Variants in PHKA2 observed in about 807,000 individuals in gnomAD.
PHKA2 encodes phosphorylase b kinase regulatory subunit alpha, liver isoform.
A neutral mutation model predicts 102.0 loss-of-function variants in PHKA2; 31 were observed. The observed-to-expected ratio is 0.30, with a 90% confidence interval of 0.23 to 0.41. The LOEUF (loss-of-function observed/expected upper bound fraction) is 0.41, where lower values mean the gene tolerates loss of function less well. PHKA2 is among the 10% of genes least tolerant of loss of function. The probability of loss-of-function intolerance (pLI) is 1.00; values close to 1 mark genes in which losing one functional copy is unlikely to be tolerated. For missense variants in PHKA2, 858 were observed against 1,023.1 expected (o/e 0.84, Z 2.20); for synonymous variants, 455 against 416.2 (o/e 1.09, Z -1.13).
intron 1 of PHKA2, among the ~76,000 whole-genome samples, chrX:18,975,003 C>T (rs1271374510): frequency 1.8e-5 from 2 of 110,612 alleles, no homozygotes; most frequent in African/African-American, 6.6e-5. Flanking sequence ...TTCCTGTGAT[C>T]TCGTCTCGTC....
chrX:18,905,638 C>T, intron 26 of PHKA2, 120 bp downstream of exon 26: 1 of 570,461 alleles, frequency 1.8e-6, no homozygotes, highest in South Asian at 2.3e-5. Context: ...CTCTGTCCAT[C>T]TCCTTCAGGT....
intron 32 of PHKA2, among the ~76,000 whole-genome samples, chrX:18,893,867 TTATCACGCACCC>T (rs2047478132): frequency 8.9e-6 from 1 of 112,400 alleles, no homozygotes; most frequent in Non-Finnish European, 1.9e-5. Flanking sequence ...CTGCACTCTG[TTATCACGCACCC>T]TAGTTTGTAG....
chrX:18,944,718 G>C (rs1429834538), intron 6 of PHKA2, among the ~76,000 whole-genome samples: 2 of 111,857 alleles, frequency 1.8e-5, no homozygotes, highest in African/African-American at 6.5e-5. Flanking sequence ...TTGAACTTGT[G>C]AGTCCAACCT....
intron 19 of PHKA2, among the ~76,000 whole-genome samples, chrX:18,914,958 A>G (rs1201477670): frequency 8.9e-6 from 1 of 111,771 alleles, no homozygotes; most frequent in Non-Finnish European, 1.9e-5. Flanking sequence ...AAACCGGAAA[A>G]GGTGACTTGG....
At chrX:18,941,453 G>A (rs1446411677) in intron 8 of PHKA2, 76 bp downstream of exon 8, 7 of 909,729 alleles carry the variant, frequency 7.7e-6, no homozygotes, top group Admixed American at 2.2e-5. Flanking sequence ...TTAACCTCAT[G>A]GGGAACTGAG....
intron 1 of PHKA2, among the ~76,000 whole-genome samples, chrX:18,973,431 A>T (rs2049043871): frequency 8.9e-6 from 1 of 112,261 alleles, no homozygotes. Context: ...TAGATTTTAT[A>T]GTAAATTTCC....
rs775537759 is a variant in PHKA2 at position 18,918,886 on chromosome X, T to C, written c.1964-32A>G. 4 of 1,169,313 alleles carry C rather than the reference T, an allele frequency of 3.4e-6. No individual in the cohort carries two copies. In the Admixed American group the frequency reaches 8.8e-5, roughly 26 times the overall value. On this transcript the variant is annotated intron_variant, in intron 18 of 32. Transcript: ENST00000379942. The stretch of plus-strand genomic sequence containing the variant: ...TTGGACAAGCAAGAAAAAGAGCCAA[T>C]GAAACCAAGCTGTAGAAATATGACT...
In PHKA2 at chrX:18,983,889, G is replaced by A. The variant is rs1222019951; in HGVS notation, c.44C>T (p.Ala15Val). Reference sequence around the variant, plus strand: ...CAGGATGGTTTGCTGCACCAGCCGCGCGTACCCGTCCAAGCGGACCCCGGA... The same window carrying A: ...CAGGATGGTTTGCTGCACCAGCCGCACGTACCCGTCCAAGCGGACCCCGGA... The part of the protein sequence containing the change: ...SNSGVRLDGY[A>V]RLVQQTILCY... The change falls in exon 1 of 33, where the codon GCG becomes GTG. Residue 15 changes from alanine to valine, a missense_variant. By Grantham distance (64) the Ala-to-Val change is moderately conservative. Coordinates refer to ENST00000379942, the MANE Select transcript of PHKA2 (RefSeq NM_000292.3). 17 of 1,210,224 alleles carry A rather than the reference G, an allele frequency of 1.4e-5. No homozygotes were observed. In the African/African-American group the frequency reaches 2.1e-4, roughly 15 times the overall value.
intron 19 of PHKA2, among the ~76,000 whole-genome samples, chrX:18,914,387 G>A (rs1018861405): frequency 1.8e-5 from 2 of 112,389 alleles, no homozygotes; most frequent in African/African-American, 6.5e-5. Context: ...AAAGATAAGT[G>A]ATTTAGCTGA....
chrX:18,941,459 C>A, intron 8 of PHKA2, 70 bp downstream of exon 8: 3 of 969,202 alleles, frequency 3.1e-6, no homozygotes, highest in Admixed American at 4.4e-5. Flanking sequence ...TCATGGGGAA[C>A]TGAGGCATGG....
chrX:18,935,546 C>T (rs554351936), intron 11 of PHKA2, among the ~76,000 whole-genome samples: 33 of 110,720 alleles, frequency 3.0e-4, no homozygotes, highest in Non-Finnish European at 4.9e-4. Context: ...CATGGTCAAG[C>T]GTGTTCCACA....
Position 18,912,610 on chromosome X carries a change from T to A in PHKA2, c.2138-1650A>T, listed in dbSNP as rs367900156. ...AGTGAGACCTCATCCCTACTAAAATTAAAAAAAAAAAAAAATGGTAGGCCA... is the reference window on the plus strand; with the variant it reads ...AGTGAGACCTCATCCCTACTAAAATAAAAAAAAAAAAAAAATGGTAGGCCA... On this transcript the variant is annotated intron_variant, in intron 19 of 32. Coordinates refer to ENST00000379942, the MANE Select transcript of PHKA2 (RefSeq NM_000292.3). Among the ~76,000 whole-genome samples, 151 of 87,911 alleles carry A rather than the reference T, an allele frequency of 1.7e-3. 1 individual carries two copies. Among genetic ancestry groups the A allele is most frequent in the African/African-American group, 6.0e-3 (145 of 23,980 alleles). The allele number at this position is 87,911 out of a possible 115,157, so 76.3% of individuals were successfully genotyped here.
At chrX:18,968,161 G>A (rs931040342) in intron 1 of PHKA2, among the ~76,000 whole-genome samples, 3 of 111,730 alleles carry the variant, frequency 2.7e-5, no homozygotes, top group Non-Finnish European at 5.6e-5. Context: ...GGAAGGCTGA[G>A]GCAGGAGGCT....
At chrX:18,952,350 A>AG (rs1160137930) in intron 3 of PHKA2, 144 bp downstream of exon 3, 9 of 478,090 alleles carry the variant, frequency 1.9e-5, no homozygotes, top group Non-Finnish European at 2.9e-5. Flanking sequence ...AAAAAAAAAA[A>AG]AGAGAGAGAG....
intron 1 of PHKA2, among the ~76,000 whole-genome samples, chrX:18,977,739 G>A (rs1055921848): frequency 4.7e-4 from 53 of 111,755 alleles, no homozygotes; most frequent in Non-Finnish European, 9.2e-4. Context: ...ATACATCAAC[G>A]TATTTTTGGT....
At chrX:18,954,146 G>C (rs1191099482) in intron 2 of PHKA2, 108 bp downstream of exon 2, 12 of 754,182 alleles carry the variant, frequency 1.6e-5, no homozygotes, top group Non-Finnish European at 2.5e-5. Context: ...AAATAGAGGA[G>C]AGGCCTACAC....
intron 7 of PHKA2, among the ~76,000 whole-genome samples, chrX:18,942,689 A>T (rs763059290): frequency 1.7e-4 from 19 of 109,135 alleles, no homozygotes; most frequent in African/African-American, 5.0e-4. Flanking sequence ...CAAAAAAATT[A>T]AAAAAAAATT....
intron 1 of PHKA2, among the ~76,000 whole-genome samples, chrX:18,977,464 C>G (rs1334447574): frequency 1.8e-5 from 2 of 111,467 alleles, no homozygotes; most frequent in Non-Finnish European, 3.8e-5. Flanking sequence ...TATTTCTCTG[C>G]TTGATCTAAC....
chrX:18,954,087 A>G (rs1013037621), intron 2 of PHKA2, among the ~76,000 whole-genome samples, 167 bp downstream of exon 2: 2 of 112,054 alleles, frequency 1.8e-5, no homozygotes, highest in African/African-American at 6.5e-5. Flanking sequence ...AGAAAGACCA[A>G]TGTGAGGTTG....
Sources: allele counts gnomAD v4.1 joint callset (sites outside exome capture counted in the v4.1 genomes callset), GRCh38; gene constraint gnomAD v4.1.1; transcripts MANE v1.5; gene names NCBI Gene and HGNC (gene_info 2026-07-23, HGNC 2026-07-21).